The following PHF3 variants were observed in gnomAD, a reference collection of about 807,000 sequenced individuals.
PHF3 encodes the protein PHD finger protein 3.
PHF3 carries 41 observed loss-of-function variants against 178.4 expected under a neutral mutation model. The observed-to-expected ratio is 0.23, with a 90% confidence interval of 0.18 to 0.30. The LOEUF (loss-of-function observed/expected upper bound fraction) is 0.30. PHF3 is among the 10% of genes least tolerant of loss of function. PHF3 has a pLI of 1.00. For missense variants in PHF3, 2,346 were observed against 2,398.1 expected (o/e 0.98, Z 0.45); for synonymous variants, 842 against 800.5 (o/e 1.05, Z -0.88).
chr6:63,713,650 A>G lies in PHF3; in HGVS notation c.6062A>G (p.Asp2021Gly). The change falls in exon 16 of 16, where the codon GAC (aspartate) becomes GGC (glycine). Residue 2021 changes from aspartate (D) to glycine (G), a missense_variant. Asp to Gly is a moderately conservative substitution (Grantham distance 94). Around this residue, in one of 8 missense-constraint regions of PHF3, gnomAD observed 839 missense variants for 806.9 expected, o/e 1.04. Coordinates refer to ENST00000262043, the MANE Select transcript of PHF3 (RefSeq NM_001370348.2). ...AGTAAACACAGAGAAGGAGAAAAGG[A>G]CAGGGATAGGTACCACAAAGATAGG... ...EKSKHREGEK[D>G]RDRYHKDRDH... 2 of 1,610,618 alleles carry G rather than the reference A, an allele frequency of 1.2e-6. No individual in the cohort carries two copies. Among genetic ancestry groups the G allele is most frequent in the Non-Finnish European group, 1.7e-6 (2 of 1,179,000 alleles).
chr6:63,691,670 C>T (rs1767006872), intron 4 of PHF3, 67 bp from the exon 5 acceptor site: 17 of 1,314,314 alleles, frequency 1.3e-5, no homozygotes, highest in Non-Finnish European at 1.8e-5. Flanking sequence ...TTAATTTAGC[C>T]TCATTTTTGA....
chr6:63,720,845 GTTA>G lies in PHF3; in HGVS notation c.*7140_*7142del, dbSNP rs2149623867. ...CAATATCCTCGGAAAGAATTAGACT[GTTA>G]TTTATGTAGGCCTTGATAAGAGTCT... On this transcript the variant is annotated 3_prime_UTR_variant, in exon 16 of 16. Transcript: ENST00000262043. 6.4e-7 allele frequency: 1 copy of G among 1,551,084 alleles called. No homozygotes were observed.
chr6:63,660,178 G>A (rs926756296), intron 2 of PHF3, among the ~76,000 whole-genome samples: 46 of 151,940 alleles, frequency 3.0e-4, no homozygotes, highest in Non-Finnish European at 4.9e-4. Flanking sequence ...TAAAGACCAA[G>A]CAATTTAGAC....
At chr6:63,691,629 G>A (rs768662930) in intron 4 of PHF3, 108 bp from the exon 5 acceptor site, 306 of 938,944 alleles carry the variant, frequency 3.3e-4, no homozygotes, top group Non-Finnish European at 4.5e-4. Flanking sequence ...TGGAAAACAT[G>A]CAAAGTTTCA....
intron 2 of PHF3, among the ~76,000 whole-genome samples, chr6:63,664,348 G>C (rs994713762): frequency 6.6e-6 from 1 of 152,132 alleles, no homozygotes; most frequent in Non-Finnish European, 1.5e-5. Flanking sequence ...TCATTTGCTC[G>C]TATCAGAAAT....
intron 2 of PHF3, among the ~76,000 whole-genome samples, chr6:63,657,453 G>A (rs1765284683): frequency 6.6e-6 from 1 of 152,028 alleles, no homozygotes; most frequent in Non-Finnish European, 1.5e-5. Flanking sequence ...CACATATTTT[G>A]TACATTATAT....
rs1768342928 is a variant in PHF3 at position 63,720,704 on chromosome 6, A to G, written c.*6996A>G. ...AAAATACAACATCTTTAATTTTGCC[A>G]ACAAAATTGGTTTTAAAAATCTCTT... On this transcript the variant is annotated 3_prime_UTR_variant, in exon 16 of 16. Coordinates refer to ENST00000262043, the MANE Select transcript of PHF3 (RefSeq NM_001370348.2). 6.5e-7 allele frequency: 1 copy of G among 1,548,576 alleles called. No homozygotes were observed. Among genetic ancestry groups the G allele is most frequent in the Non-Finnish European group, 8.7e-7 (1 of 1,145,762 alleles).
Position 63,685,165 on chromosome 6 carries a change from A to G in PHF3, c.1443A>G (p.Leu481=), listed in dbSNP as rs753359087. The G allele has an allele frequency of 4.3e-6, 7 of 1,613,884 alleles. No individual in the cohort carries two copies. In the Admixed American group the frequency reaches 1.0e-4, roughly 23 times the overall value. ...RNSQSSSVSY[L]ESKSVKSKHT... is the part of the protein sequence containing the mutation. Reference sequence around the variant, plus strand: ...GCCAGTCAAGTAGCGTTTCTTACTTAGAGTCAAAAAGTGTAAAATCCAAAC... The same window carrying G: ...GCCAGTCAAGTAGCGTTTCTTACTTGGAGTCAAAAAGTGTAAAATCCAAAC... Residue 481 remains leucine (L), a synonymous_variant, in exon 4 of 16, where the codon TTA becomes TTG. Transcript: ENST00000262043.
chr6:63,636,729 C>CA (rs931487521), intron 1 of PHF3: 20 of 152,312 alleles, frequency 1.3e-4, no homozygotes, highest in African/African-American at 4.8e-4. Flanking sequence ...GCCCGGGACT[C>CA]AAACTGTGGA....
In PHF3 at chr6:63,644,413, CAT is replaced by C. The variant is rs577046629; in HGVS notation, c.-25-2111_-25-2110del. Among the ~76,000 whole-genome samples the C allele has an allele frequency of 4.6e-5, 7 of 151,978 alleles. No individual in the cohort carries two copies. The South Asian group carries it at 1.2e-3, about 27-fold the overall frequency. On this transcript the variant is annotated intron_variant, in intron 1 of 15. Transcript: ENST00000262043. ...TAAATTTTTTTTTGGAACCTAAAAA[CAT>C]ATTGGGCGTAAGTATTGGTGTTGTA...
chr6:63,663,477 C>T (rs893546427), intron 2 of PHF3, among the ~76,000 whole-genome samples: 1 of 152,186 alleles, frequency 6.6e-6, no homozygotes, highest in African/African-American at 2.4e-5. Flanking sequence ...CCTAGACCTC[C>T]TTAGCCTCCC....
At chr6:63,676,665 G>T (rs904875889) in intron 2 of PHF3, among the ~76,000 whole-genome samples, 1 of 152,206 alleles carries the variant, frequency 6.6e-6, no homozygotes, top group Non-Finnish European at 1.5e-5. Flanking sequence ...ATAGGACCCT[G>T]TGGGCCCTGG....
rs1342386027 is a variant in PHF3, at chr6:63,719,172, G to T, written c.*5464G>T. 6.6e-6 allele frequency among the ~76,000 whole-genome samples: 1 copy of T among 151,996 alleles called. No homozygotes were observed. Among genetic ancestry groups the T allele is most frequent in the Non-Finnish European group, 1.5e-5 (1 of 67,930 alleles). Reference sequence around the variant, plus strand: ...GGTGTTGACATTCTTAACTCTGGTCGTAGGTCCTTTTAGGAATGTCTGTAG... The same window carrying T: ...GGTGTTGACATTCTTAACTCTGGTCTTAGGTCCTTTTAGGAATGTCTGTAG... On this transcript the variant is annotated 3_prime_UTR_variant, in exon 16 of 16. Coordinates refer to ENST00000262043, the MANE Select transcript of PHF3 (RefSeq NM_001370348.2).
intron 1 of PHF3, among the ~76,000 whole-genome samples, chr6:63,639,862 T>C (rs1299701168): frequency 6.6e-6 from 1 of 152,188 alleles, no homozygotes; most frequent in Non-Finnish European, 1.5e-5. Context: ...TCCACTACTT[T>C]GGTGGTTTAT....
chr6:63,707,001 C>A, intron 13 of PHF3, 125 bp downstream of exon 13: 1 of 779,818 alleles, frequency 1.3e-6, no homozygotes, highest in Non-Finnish European at 2.0e-6. Flanking sequence ...TTAAACAGTC[C>A]AAGTAATATA....
rs1487268414 is a variant in PHF3, at chr6:63,714,140, CTG to C, written c.*434_*435del. The stretch of plus-strand genomic sequence containing the variant: ...TTAAATTGCACTGTTTTTAAAGAAA[CTG>C]TAGAGGAGCAACAAAAATCCAAGCA... On this transcript the variant is annotated 3_prime_UTR_variant, in exon 16 of 16. Coordinates refer to ENST00000262043, the MANE Select transcript of PHF3 (RefSeq NM_001370348.2). The C allele has an allele frequency of 6.5e-6, 1 of 153,882 alleles. No homozygotes were observed. Among genetic ancestry groups the C allele is most frequent in the African/African-American group, 2.4e-5 (1 of 41,426 alleles). The allele number at this position is 153,882 out of a possible 1,614,324, so 9.5% of individuals were successfully genotyped here.
chr6:63,686,179 G>A, intron 4 of PHF3: 1 of 366,264 alleles, frequency 2.7e-6, no homozygotes, highest in Non-Finnish European at 4.8e-6. Context: ...AGGTTAGACA[G>A]TGTAATTTAG....
At chr6:63,649,970 T>TC (rs1460841632) in intron 2 of PHF3, among the ~76,000 whole-genome samples, 1 of 152,222 alleles carries the variant, frequency 6.6e-6, no homozygotes, top group Non-Finnish European at 1.5e-5. Flanking sequence ...GTTTATTTTA[T>TC]CTCTCATTTT....
chr6:63,684,046 G>A, intron 3 of PHF3, 83 bp from the exon 4 acceptor site: 1 of 1,057,356 alleles, frequency 9.5e-7, no homozygotes, highest in Non-Finnish European at 1.4e-6. Flanking sequence ...GAATAAAGAA[G>A]TGATATATTC....
Sources: gnomAD v4.1 joint callset for allele counts (sites outside exome capture counted in the v4.1 genomes callset) on GRCh38, gnomAD v4.1.1 for gene constraint, gnomAD v4.1.1 regional missense constraint, MANE v1.5 for transcripts, NCBI Gene and HGNC (gene_info 2026-07-23, HGNC 2026-07-21) for gene names.